The following AKT2 variants were observed in gnomAD, a reference collection of about 807,000 sequenced individuals.
The protein encoded by AKT2 is AKT serine/threonine kinase 2.
AKT2 carries 16 observed loss-of-function variants against 58.6 expected under a neutral mutation model. The ratio of observed to expected loss-of-function variants is 0.27; its 90% CI spans 0.18 to 0.41. The LOEUF is 0.41. Among genes scored for constraint, AKT2 ranks in the 10% least tolerant of loss-of-function variants. AKT2 has a pLI of 1.00. For synonymous variants in AKT2, 253 were observed against 254.0 expected, an observed-to-expected ratio of 1.00 and a Z score of 0.04; for missense variants, 438 against 661.0, an observed-to-expected ratio of 0.66 and a Z score of 3.70.
At position 40,237,965 on chromosome 19, in the gene AKT2, T is replaced by C. The variant is rs770347484; in HGVS notation, c.831+4A>G. 6.8e-5 allele frequency: 110 copies of C among 1,613,382 alleles called. No homozygotes were observed. The South Asian group carries it at 1.2e-3, about 17-fold the overall frequency. ...GTCAGCCTGGCGCACACCCTGCCAC[T>C]AACCTTGATGTCGCGGTATACCACG... On this transcript the variant is annotated splice_donor_region_variant and intron_variant, in intron 9 of 13. Coordinates refer to ENST00000392038, the MANE Select transcript of AKT2 (RefSeq NM_001626.6). This position sits in a 1 kb window ranked among gnomAD's most constrained non-coding sequence, Gnocchi z 4.5.
At chr19:40,251,351 A>G (rs1032764120) in intron 4 of AKT2, among the ~76,000 whole-genome samples, 6 of 152,346 alleles carry the variant, frequency 3.9e-5, no homozygotes, top group East Asian at 3.9e-4. Context: ...TTCATGAACA[A>G]ATGGACATGG....
At chr19:40,253,860 A>C (rs1975345840) in intron 4 of AKT2, among the ~76,000 whole-genome samples, 1 of 148,276 alleles carries the variant, frequency 6.7e-6, no homozygotes, top group Non-Finnish European at 1.5e-5. Context: ...CCAACTGTCC[A>C]AAAAAAAAAG....
At chr19:40,273,440 T>G (rs2077253098) in intron 1 of AKT2, 1 of 151,876 alleles carries the variant, frequency 6.6e-6, no homozygotes, top group East Asian at 1.9e-4. Context: ...TTTTACCTAT[T>G]CTACCTCCTT....
Position 40,234,891 on chromosome 19 carries a change from C to A in AKT2, c.1366+154G>T. 1 of 772,424 alleles carries A rather than the reference C, an allele frequency of 1.3e-6. No individual in the cohort carries two copies. The highest frequency in any genetic ancestry group is 2.2e-6 in the Non-Finnish European group (1 of 446,706). The allele number at this position is 772,424 out of a possible 1,614,324, so 47.8% of individuals were successfully genotyped here. A position where few individuals can be genotyped will look rare whatever the true frequency, so the allele number is the denominator to read the frequency against. ...GTGGCCTCACCAGGTCCAAAGAGGA[C>A]CAACAGCAAAAGGGCCTGAGAGCAG... On this transcript the variant is annotated intron_variant, in intron 13 of 13. Transcript: ENST00000392038. This position sits in a 1 kb window ranked among gnomAD's most constrained non-coding sequence, Gnocchi z 4.7.
At chr19:40,239,923 A>G in intron 7 of AKT2, 122 bp downstream of exon 7, 1 of 1,245,028 alleles carries the variant, frequency 8.0e-7, no homozygotes, top group Non-Finnish European at 1.2e-6. Context: ...GCGCAGCAAC[A>G]CCTTGCCCTG....
rs2145180011 is a variant in AKT2, at chr19:40,238,195, A to G, written c.709-104T>C. 1.4e-6 allele frequency: 2 copies of G among 1,437,668 alleles called. No individual in the cohort carries two copies. Among genetic ancestry groups the G allele is most frequent in the Non-Finnish European group, 1.9e-6 (2 of 1,057,012 alleles). 89.1% of individuals were successfully genotyped at this position (1,437,668 alleles called of 1,614,324 possible). A position where few individuals can be genotyped will look rare whatever the true frequency, so the allele number is the denominator to read the frequency against. On this transcript the variant is annotated intron_variant, in intron 8 of 13. Transcript: ENST00000392038. The surrounding 1 kb of genome is among the most constrained non-coding windows in gnomAD (Gnocchi z 5.1). ...AGCGCAGTGATGTGGTGACACCTGT[A>G]TCATGAACCAGCAAGTGACAGCTAG...
chr19:40,280,387 G>C (rs2077402440), intron 1 of AKT2, among the ~76,000 whole-genome samples: 1 of 152,166 alleles, frequency 6.6e-6, no homozygotes, highest in Non-Finnish European at 1.5e-5. Flanking sequence ...TCAGGCCTTT[G>C]CTGGCTGTAA....
chr19:40,273,325 A>G (rs1173703832), intron 1 of AKT2, among the ~76,000 whole-genome samples: 1 of 149,762 alleles, frequency 6.7e-6, no homozygotes, highest in Non-Finnish European at 1.5e-5. Context: ...TGAGGGACAG[A>G]GCAAGACTCC....
intron 1 of AKT2, chr19:40,283,102 C>T (rs1160430581): frequency 6.5e-6 from 1 of 153,058 alleles, no homozygotes; most frequent in Non-Finnish European, 1.5e-5. Context: ...CTGTCACACG[C>T]CTGGCATGGG....
chr19:40,275,365 C>A (rs1027704635), intron 1 of AKT2: 1 of 454,672 alleles, frequency 2.2e-6, no homozygotes, highest in African/African-American at 2.0e-5. Context: ...AGCTCCAGGG[C>A]AGGGCCCAGT....
chr19:40,282,370 T>G, intron 1 of AKT2: 1 of 409,518 alleles, frequency 2.4e-6, no homozygotes, highest in Non-Finnish European at 4.9e-6. Context: ...GTCCTGCTGC[T>G]AGCTAACGCA....
intron 2 of AKT2, among the ~76,000 whole-genome samples, chr19:40,260,628 CAAAAAAAAA>C (rs34124347): frequency 1.2e-4 from 3 of 25,002 alleles, no homozygotes; most frequent in African/African-American, 4.7e-4. Flanking sequence ...GATTCCATCT[CAAAAAAAAA>C]AAAAAAAAAA....
Position 40,242,072 on chromosome 19 carries a change from G to C in AKT2, c.442-3C>G. 1.2e-6 allele frequency: 2 copies of C among 1,614,156 alleles called. No homozygotes were observed. Among genetic ancestry groups the C allele is most frequent in the Non-Finnish European group, 8.5e-7 (1 of 1,180,022 alleles). Reference sequence around the variant, plus strand: ...AGATAGTCGAAGTCATTCATGGTCTGCCAGGGACAGGGAGAGTGGGGGCAG... The same window carrying C: ...AGATAGTCGAAGTCATTCATGGTCTCCCAGGGACAGGGAGAGTGGGGGCAG... On this transcript the variant is annotated splice_region_variant and splice_polypyrimidine_tract_variant and intron_variant, in intron 5 of 13. Transcript: ENST00000392038. The surrounding 1 kb of genome is among the most constrained non-coding windows in gnomAD (Gnocchi z 4.3).
At chr19:40,264,765 C>T (rs1276584400) in intron 2 of AKT2, among the ~76,000 whole-genome samples, 1 of 152,050 alleles carries the variant, frequency 6.6e-6, no homozygotes. Context: ...ACTTTTCACC[C>T]CAGCACTTGC....
chr19:40,281,809 G>C (rs538963774), intron 1 of AKT2, among the ~76,000 whole-genome samples: 1 of 152,334 alleles, frequency 6.6e-6, no homozygotes, highest in Admixed American at 6.5e-5. Flanking sequence ...ACCATGTGTC[G>C]GGCACTGTTC....
chr19:40,258,239 C>T (rs769954376), intron 2 of AKT2, among the ~76,000 whole-genome samples: 64 of 126,594 alleles, frequency 5.1e-4, no homozygotes, highest in South Asian at 2.0e-3. Context: ...AGCGAAACTC[C>T]GTCTCGAAAA....
chr19:40,236,953 G>C, intron 9 of AKT2: 1 of 180,454 alleles, frequency 5.5e-6, no homozygotes, highest in South Asian at 1.2e-4. Flanking sequence ...TCTCCCCCTG[G>C]AAGGCCCTGT....
intron 1 of AKT2, among the ~76,000 whole-genome samples, chr19:40,280,040 T>C (rs147793991): frequency 2.6e-3 from 400 of 152,234 alleles, no homozygotes; most frequent in Non-Finnish European, 4.4e-3. Flanking sequence ...CTGGCCCTCA[T>C]TTATTTTGCC....
chr19:40,236,133 G>T, intron 10 of AKT2, 29 bp from the exon 11 acceptor site: 1 of 1,613,732 alleles, frequency 6.2e-7, no homozygotes, highest in Non-Finnish European at 8.5e-7. Context: ...TGAGGGCTGG[G>T]CCCGTGGCCC....
Sources: gnomAD v4.1 joint callset for allele counts (sites outside exome capture counted in the v4.1 genomes callset) on GRCh38, gnomAD v4.1.1 for gene constraint, Gnocchi (gnomAD v3.1) non-coding constraint, MANE v1.5 for transcripts, NCBI Gene and HGNC (gene_info 2026-07-23, HGNC 2026-07-21) for gene names.